TSGA10: variants seen among roughly 807,000 people sequenced by gnomAD.
TSGA10 encodes testis-specific gene 10 protein.
TSGA10 carries 43 observed loss-of-function variants against 96.6 expected under a neutral mutation model. That is an observed-to-expected ratio of 0.44 (90% CI 0.35 to 0.57). The LOEUF (loss-of-function observed/expected upper bound fraction) is 0.57. Ranked by LOEUF, TSGA10 falls within the 20% of genes least tolerant of loss-of-function variation. The pLI is 0.01. For synonymous variants in TSGA10, 229 were observed against 269.9 expected (o/e 0.85, Z 1.48); for missense variants, 703 against 834.4 (o/e 0.84, Z 1.94).
At chr2:99,105,338 T>A in intron 9 of TSGA10, 21 bp downstream of exon 9, 1 of 1,559,602 alleles carries the variant, frequency 6.4e-7, no homozygotes, top group Non-Finnish European at 8.7e-7. Flanking sequence ...AAAAGAGACT[T>A]TTCTTTTTTT....
chr2:99,088,329 GTTA>G lies in TSGA10; in HGVS notation c.612-6935_612-6933del, dbSNP rs2088830883. On this transcript the variant is annotated intron_variant, in intron 10 of 20. Coordinates refer to ENST00000393483, the MANE Select transcript of TSGA10 (RefSeq NM_025244.4). ...TTATTGTTGTTATATTTTATTATTA[GTTA>G]TTGTTGTTAATCTCTTACTGCACCT... Among the ~76,000 whole-genome samples the G allele has an allele frequency of 2.6e-5, 4 of 152,172 alleles. No homozygotes were observed. In the East Asian group the frequency reaches 7.7e-4, roughly 29 times the overall value.
intron 13 of TSGA10, among the ~76,000 whole-genome samples, chr2:99,072,580 C>G (rs540686917): frequency 5.9e-5 from 9 of 152,294 alleles, no homozygotes; most frequent in Non-Finnish European, 1.3e-4. Context: ...TTATCACCAC[C>G]TCTTCTGCTT....
chr2:99,109,469 A>G lies in TSGA10; in HGVS notation c.-30T>C. 6.2e-7 allele frequency: 1 copy of G among 1,610,774 alleles called. No individual in the cohort carries two copies. Among genetic ancestry groups the G allele is most frequent in the East Asian group, 2.2e-5 (1 of 44,796 alleles). On this transcript the variant is annotated 5_prime_UTR_variant, in exon 6 of 21. Coordinates refer to ENST00000393483, the MANE Select transcript of TSGA10 (RefSeq NM_025244.4). ...CTCAAATGTTGAGCTTCACTCTTAT[A>G]GTGATCTTTGTCTGCTTCCAAAGTC...
chr2:99,141,798 T>C (rs1246499461), intron 1 of TSGA10: 1 of 152,686 alleles, frequency 6.5e-6, no homozygotes, highest in East Asian at 1.9e-4. Flanking sequence ...GGCATCATTC[T>C]GGACCCATGT....
chr2:99,068,822 C>A, intron 15 of TSGA10, 66 bp downstream of exon 15: 1 of 757,816 alleles, frequency 1.3e-6, no homozygotes, highest in Non-Finnish European at 2.0e-6. Flanking sequence ...TCTGAGTATA[C>A]CAACTTCTAA....
At chr2:99,056,857 C>T (rs987141117) in intron 16 of TSGA10, among the ~76,000 whole-genome samples, 60 of 137,568 alleles carry the variant, frequency 4.4e-4, no homozygotes, top group Middle Eastern at 7.7e-3. Context: ...AATCCAGCAA[C>T]ATAAAAAATA....
intron 16 of TSGA10, among the ~76,000 whole-genome samples, chr2:99,054,248 C>T (rs10190421): frequency 0.35 from 53,309 of 151,972 alleles, 10,676 homozygotes; most frequent in African/African-American, 0.55. Flanking sequence ...TGACCTTTGA[C>T]AAAGGTGTCA....
intron 10 of TSGA10, among the ~76,000 whole-genome samples, chr2:99,081,898 T>C (rs970755123): frequency 6.6e-6 from 1 of 152,270 alleles, no homozygotes. Context: ...ACAACTGTAA[T>C]GCCTAACCTT....
intron 15 of TSGA10, 81 bp downstream of exon 15, chr2:99,068,807 G>A (rs900812715): frequency 6.8e-6 from 4 of 592,304 alleles, no homozygotes; most frequent in Non-Finnish European, 8.2e-6. Flanking sequence ...TGATTCACCT[G>A]TCGTTCTGAG....
chr2:99,085,959 C>G (rs183274094), intron 10 of TSGA10, among the ~76,000 whole-genome samples: 2 of 152,214 alleles, frequency 1.3e-5, no homozygotes, highest in Admixed American at 6.5e-5. Context: ...GATCAACAGA[C>G]TAATAAAGCA....
chr2:99,010,891 G>A (rs1297270714), intron 20 of TSGA10, among the ~76,000 whole-genome samples: 2 of 152,176 alleles, frequency 1.3e-5, no homozygotes, highest in Non-Finnish European at 1.5e-5. Context: ...CTGCAGGAGC[G>A]AGGCTGGCCT....
chr2:99,154,932 G>A lies in TSGA10; in HGVS notation c.-860C>T, dbSNP rs374526330. On this transcript the variant is annotated 5_prime_UTR_variant, in exon 1 of 21. Coordinates refer to ENST00000393483, the MANE Select transcript of TSGA10 (RefSeq NM_025244.4). Reference sequence around the variant, plus strand: ...CCCCTCCTTCTCTTGCGCTTCAGGGGGCCGGCCCTCAGGGGGCGGGGCAGC... The same window carrying A: ...CCCCTCCTTCTCTTGCGCTTCAGGGAGCCGGCCCTCAGGGGGCGGGGCAGC... The A allele has an allele frequency of 2.9e-5, 13 of 449,626 alleles. No individual in the cohort carries two copies. In the East Asian group the frequency reaches 7.0e-4, roughly 24 times the overall value. 27.9% of individuals were successfully genotyped at this position (449,626 alleles called of 1,614,324 possible). A position where few individuals can be genotyped will look rare whatever the true frequency, so the allele number is the denominator to read the frequency against.
intron 1 of TSGA10, among the ~76,000 whole-genome samples, chr2:99,139,692 G>A (rs2093457249): frequency 6.6e-6 from 1 of 152,094 alleles, no homozygotes; most frequent in African/African-American, 2.4e-5. Flanking sequence ...AATACTGCGA[G>A]CAACAATAAA....
chr2:99,035,079 T>C (rs2081502049), intron 17 of TSGA10, 151 bp downstream of exon 17: 4 of 575,288 alleles, frequency 7.0e-6, no homozygotes, highest in Non-Finnish European at 1.2e-5. Context: ...AATACAGCTG[T>C]CATAAACTAA....
chr2:99,024,571 A>G (rs1256274397), intron 17 of TSGA10, among the ~76,000 whole-genome samples: 2 of 152,114 alleles, frequency 1.3e-5, no homozygotes, highest in African/African-American at 4.8e-5. Flanking sequence ...AGGATTTTCT[A>G]TATTTCAGAT....
intron 2 of TSGA10, chr2:99,125,895 G>T (rs765906827): frequency 6.6e-6 from 1 of 152,262 alleles, no homozygotes; most frequent in Non-Finnish European, 1.5e-5. Context: ...CCATGGATGG[G>T]TGGCCTTTAC....
chr2:99,108,507 A>T (rs2091540675), intron 7 of TSGA10, among the ~76,000 whole-genome samples: 2 of 152,092 alleles, frequency 1.3e-5, no homozygotes, highest in Admixed American at 1.3e-4. Context: ...AGTTCAAGGT[A>T]AAAAGGTCAG....
At chr2:99,125,015 T>TC (rs1212312383) in intron 2 of TSGA10, 1 of 152,208 alleles carries the variant, frequency 6.6e-6, no homozygotes. Context: ...CAGAATAGTT[T>TC]CACTCCCCTA....
At chr2:99,100,548 C>T (rs1472496899) in intron 10 of TSGA10, among the ~76,000 whole-genome samples, 3 of 152,030 alleles carry the variant, frequency 2.0e-5, no homozygotes, top group Admixed American at 1.3e-4. Context: ...GGGCCGGGTG[C>T]GGTGGCTCAC....
Sources: gnomAD v4.1 joint callset for allele counts (sites outside exome capture counted in the v4.1 genomes callset) on GRCh38, gnomAD v4.1.1 for gene constraint, MANE v1.5 for transcripts, NCBI Gene and HGNC (gene_info 2026-07-23, HGNC 2026-07-21) for gene names.